Variants in SOX6 observed in about 807,000 individuals in gnomAD.
SOX6 encodes transcription factor SOX-6.
A neutral mutation model predicts 97.8 loss-of-function variants in SOX6; 11 were observed. The observed-to-expected ratio is 0.11, with a 90% CI of 0.07 to 0.19. SOX6 has a LOEUF of 0.19. SOX6 is among the 10% of genes least tolerant of loss of function. The pLI is 1.00. For synonymous variants in SOX6, 360 were observed against 371.4 expected (o/e 0.97, Z 0.35); for missense variants, 810 against 1,039.5 (o/e 0.78, Z 3.04).
At chr11:16,540,564 A>G (rs2133177032) in intron 4 of SOX6, among the ~76,000 whole-genome samples, 2 of 152,028 alleles carry the variant, frequency 1.3e-5, no homozygotes, top group Middle Eastern at 6.8e-3. Flanking sequence ...TTGTATATTT[A>G]GAAAACCCCA....
intron 1 of SOX6, among the ~76,000 whole-genome samples, chr11:16,410,183 ATATAAT>A (rs1358535560): frequency 5.9e-5 from 9 of 152,228 alleles, no homozygotes; most frequent in East Asian, 1.9e-4. Context: ...CCATAAATAC[ATATAAT>A]TATAATTTAC....
intron 4 of SOX6, among the ~76,000 whole-genome samples, chr11:16,211,034 A>C (rs1025460563): frequency 1.3e-5 from 2 of 152,180 alleles, no homozygotes; most frequent in African/African-American, 4.8e-5. Context: ...AATTCTAAGA[A>C]TAAAAAACAG....
chr11:16,717,763 C>T (rs1038137823), intron 2 of SOX6, among the ~76,000 whole-genome samples: 2 of 152,050 alleles, frequency 1.3e-5, no homozygotes, highest in East Asian at 3.9e-4. Flanking sequence ...TAGAAATGCA[C>T]CTACATTTGA....
chr11:16,052,032 T>C (rs1847698413), intron 10 of SOX6, among the ~76,000 whole-genome samples: 1 of 152,128 alleles, frequency 6.6e-6, no homozygotes, highest in South Asian at 2.1e-4. Context: ...TCTGTAGACA[T>C]TTGATTTAGG....
intron 4 of SOX6, among the ~76,000 whole-genome samples, chr11:16,493,773 G>T (rs564331175): frequency 6.6e-6 from 1 of 152,234 alleles, no homozygotes; most frequent in South Asian, 2.1e-4. Context: ...GTATGGTCCA[G>T]AGTATACAGA....
At chr11:16,142,318 A>T (rs927954343) in intron 6 of SOX6, among the ~76,000 whole-genome samples, 1 of 152,222 alleles carries the variant, frequency 6.6e-6, no homozygotes, top group South Asian at 2.1e-4. Flanking sequence ...AAACTAACAA[A>T]CAGAAAGGAC....
chr11:16,651,574 C>A (rs1177792516), intron 3 of SOX6, among the ~76,000 whole-genome samples: 1 of 152,102 alleles, frequency 6.6e-6, no homozygotes, highest in African/African-American at 2.4e-5. Context: ...AATCCAGCAT[C>A]CCTTTATGAT....
At chr11:16,373,448 G>A (rs1414494655) in intron 1 of SOX6, among the ~76,000 whole-genome samples, 1 of 151,782 alleles carries the variant, frequency 6.6e-6, no homozygotes, top group Non-Finnish European at 1.5e-5. Flanking sequence ...TTCCTTCTTG[G>A]GGTTACTCTT....
intron 4 of SOX6, among the ~76,000 whole-genome samples, chr11:16,504,044 A>AAAATAAAT (rs77343447): frequency 2.1e-5 from 3 of 139,564 alleles, no homozygotes; most frequent in African/African-American, 8.1e-5. Flanking sequence ...CTCCATCTCA[A>AAAATAAAT]AAATAAATAA....
rs548130463 is a variant in SOX6 at position 16,521,529 on chromosome 11, GA to G, written n.610-45142del. Among the ~76,000 whole-genome samples, 126 of 152,084 alleles carry G rather than the reference GA, an allele frequency of 8.3e-4. 1 individual carries two copies. The South Asian group carries it at 0.025, about 31-fold the overall frequency. On this transcript the variant is annotated intron_variant and non_coding_transcript_variant, in intron 4 of 5. Coordinates refer to the SOX6 transcript ENST00000524520. ...AAGTAGATAAAACCACAAAGATGGGGAAAAAAACAGAGCAGAAAAACTGGAA... is the reference window on the plus strand; with the variant it reads ...AAGTAGATAAAACCACAAAGATGGGGAAAAAACAGAGCAGAAAAACTGGAA...
chr11:16,450,313 A>G (rs1859694518), intron 1 of SOX6, among the ~76,000 whole-genome samples: 1 of 152,224 alleles, frequency 6.6e-6, no homozygotes, highest in Non-Finnish European at 1.5e-5. Flanking sequence ...GAGATTTTCA[A>G]ATACAGAACT....
At chr11:16,274,695 T>G (rs190840195) in intron 3 of SOX6, among the ~76,000 whole-genome samples, 19 of 152,314 alleles carry the variant, frequency 1.2e-4, no homozygotes, top group African/African-American at 4.6e-4. Context: ...TTCATCATGC[T>G]GCCCAAAAAT....
intron 3 of SOX6, among the ~76,000 whole-genome samples, chr11:16,629,713 C>T (rs1848676579): frequency 6.6e-6 from 1 of 152,040 alleles, no homozygotes; most frequent in Admixed American, 6.6e-5. Context: ...AGCTGTGAAT[C>T]CATCCAGCTG....
chr11:16,184,412 C>T (rs1851418310), intron 5 of SOX6, among the ~76,000 whole-genome samples: 2 of 152,036 alleles, frequency 1.3e-5, no homozygotes, highest in South Asian at 4.1e-4. Flanking sequence ...AGAACTGATA[C>T]ATTTACAAAT....
At chr11:16,661,675 G>A (rs1207771507) in intron 3 of SOX6, among the ~76,000 whole-genome samples, 7 of 151,986 alleles carry the variant, frequency 4.6e-5, no homozygotes, top group African/African-American at 1.7e-4. Flanking sequence ...AGTCTCCAAT[G>A]CAGTTAGGAC....
intron 1 of SOX6, among the ~76,000 whole-genome samples, chr11:16,371,537 C>A (rs758348655): frequency 6.6e-6 from 1 of 151,942 alleles, no homozygotes; most frequent in African/African-American, 2.4e-5. Context: ...GCAGAGATTT[C>A]TGTTTTGATC....
intron 4 of SOX6, among the ~76,000 whole-genome samples, chr11:16,611,307 G>T (rs1188536276): frequency 7.2e-5 from 11 of 152,216 alleles, no homozygotes; most frequent in Admixed American, 7.2e-4. Context: ...CGCTTTGAAA[G>T]ACTCCTTACA....
intron 2 of SOX6, among the ~76,000 whole-genome samples, chr11:16,328,682 C>T (rs1856182543): frequency 1.3e-5 from 2 of 152,152 alleles, no homozygotes; most frequent in African/African-American, 2.4e-5. Context: ...TCTTGATGAA[C>T]AAAAAACTAC....
At chr11:16,277,071 C>A (rs1477623862) in intron 3 of SOX6, among the ~76,000 whole-genome samples, 2 of 152,190 alleles carry the variant, frequency 1.3e-5, no homozygotes, top group East Asian at 3.9e-4. Context: ...AACATTGTCA[C>A]CGAAGAATCC....
Sources: gnomAD v4.1 joint callset for allele counts (sites outside exome capture counted in the v4.1 genomes callset) on GRCh38, gnomAD v4.1.1 for gene constraint, MANE v1.5 for transcripts, NCBI Gene and HGNC (gene_info 2026-07-23, HGNC 2026-07-21) for gene names.